SLC24A2: variants seen among roughly 807,000 people sequenced by gnomAD.
SLC24A2 encodes the protein solute carrier family 24 member 2.
In SLC24A2, 36 loss-of-function variants were observed where a neutral mutation model predicts 62.0. That is an observed-to-expected ratio of 0.58 (90% CI 0.44 to 0.77). SLC24A2 has a LOEUF of 0.77. Among genes scored for constraint, SLC24A2 ranks in the 30% least tolerant of loss-of-function variants. The pLI, the probability that SLC24A2 is intolerant of heterozygous loss-of-function variation, is 0.00. For synonymous variants in SLC24A2, 358 were observed against 294.0 expected (o/e 1.22, Z -2.23); for missense variants, 846 against 817.9 (o/e 1.03, Z -0.42).
chr9:20,118,542 T>G, the SLC24A2 span, among the ~76,000 whole-genome samples: 3 of 151,772 alleles, frequency 2.0e-5, no homozygotes, highest in South Asian at 2.1e-4. Flanking sequence ...TGTTCTTAAG[T>G]TTTTTTTTAT....
At chr9:19,866,323 A>G in the SLC24A2 span, among the ~76,000 whole-genome samples, 1 of 152,252 alleles carries the variant, frequency 6.6e-6, no homozygotes, top group Non-Finnish European at 1.5e-5. Context: ...TAGAACTAGC[A>G]TAAAATCCAG....
chr9:19,658,300 C>T (rs572303486), intron 2 of SLC24A2, among the ~76,000 whole-genome samples: 1 of 152,268 alleles, frequency 6.6e-6, no homozygotes, highest in East Asian at 1.9e-4. Context: ...GGGAAGCTGG[C>T]TCATTTGAAG....
At chr9:20,038,759 T>C in the SLC24A2 span, among the ~76,000 whole-genome samples, 1 of 152,216 alleles carries the variant, frequency 6.6e-6, no homozygotes, top group Admixed American at 6.5e-5. Flanking sequence ...TTGTTACAGA[T>C]TGTTAGATTA....
intron 4 of SLC24A2, among the ~76,000 whole-genome samples, chr9:19,607,048 A>ATCCTG (rs3086302): frequency 2.0e-5 from 3 of 151,496 alleles, no homozygotes; most frequent in African/African-American, 4.9e-5. Flanking sequence ...ATTCAACCTC[A>ATCCTG]TGAAGTGAGG....
chr9:19,993,916 C>T, the SLC24A2 span, among the ~76,000 whole-genome samples: 1 of 152,144 alleles, frequency 6.6e-6, no homozygotes, highest in Non-Finnish European at 1.5e-5. Flanking sequence ...GAAGGAGAAA[C>T]ACCCAGTTAT....
chr9:19,775,890 C>G (rs561860493), intron 2 of SLC24A2, among the ~76,000 whole-genome samples: 169 of 152,216 alleles, frequency 1.1e-3, no homozygotes, highest in African/African-American at 3.9e-3. Context: ...CAGGGCAGCC[C>G]TGCTGAAAGA....
rs552550662 is a variant in SLC24A2 at position 19,736,689 on chromosome 9, A to G, written c.930+49248T>C. Among the ~76,000 whole-genome samples, 3 of 152,230 alleles carry G rather than the reference A, an allele frequency of 2.0e-5. No individual in the cohort carries two copies. In the East Asian group the frequency reaches 5.8e-4, roughly 29 times the overall value. On this transcript the variant is annotated intron_variant, in intron 2 of 10. Transcript: ENST00000341998. ...CCCTCGTCTCTAAAAATAAAAGTAA[A>G]AATAAAAATAAAACTAGCCAAGTGT...
At chr9:19,896,677 T>C in the SLC24A2 span, among the ~76,000 whole-genome samples, 3 of 152,088 alleles carry the variant, frequency 2.0e-5, no homozygotes, top group Non-Finnish European at 2.9e-5. Context: ...TTGAACCAGG[T>C]CAGTCTGACT....
chr9:19,847,626 C>T, the SLC24A2 span, among the ~76,000 whole-genome samples: 93 of 152,192 alleles, frequency 6.1e-4, no homozygotes, highest in Non-Finnish European at 1.1e-3. Flanking sequence ...ATCTCCACAC[C>T]GGAGAGAAGA....
chr9:20,000,480 C>G, the SLC24A2 span, among the ~76,000 whole-genome samples: 1 of 152,024 alleles, frequency 6.6e-6, no homozygotes, highest in African/African-American at 2.4e-5. Context: ...GGTATAAACT[C>G]TATCTTCAAA....
chr9:19,774,614 C>T (rs758189984), intron 2 of SLC24A2, among the ~76,000 whole-genome samples: 4 of 152,158 alleles, frequency 2.6e-5, no homozygotes, highest in Non-Finnish European at 5.9e-5. Flanking sequence ...GTGGGAAAAA[C>T]GGTGCTTCAG....
chr9:19,676,197 C>T (rs1344878428), intron 2 of SLC24A2, among the ~76,000 whole-genome samples: 1 of 152,212 alleles, frequency 6.6e-6, no homozygotes, highest in Non-Finnish European at 1.5e-5. Context: ...TTCACACTTT[C>T]ACACTTCAGG....
the SLC24A2 span, among the ~76,000 whole-genome samples, chr9:20,034,451 G>GA: frequency 2.4e-5 from 2 of 83,190 alleles, no homozygotes; most frequent in South Asian, 1.2e-3. Context: ...GGCCTTTTAA[G>GA]TTTTTTTTTT....
chr9:20,198,807 C>T, the SLC24A2 span, among the ~76,000 whole-genome samples: 1 of 152,224 alleles, frequency 6.6e-6, no homozygotes, highest in East Asian at 1.9e-4. Context: ...TGCTAAACTT[C>T]CAACTGGCTC....
the SLC24A2 span, among the ~76,000 whole-genome samples, chr9:19,807,667 C>T: frequency 6.6e-6 from 1 of 152,202 alleles, no homozygotes; most frequent in Admixed American, 6.5e-5. Flanking sequence ...TCATTTCAAA[C>T]TGCAGACAGT....
At chr9:19,647,803 T>C (rs572266003) in intron 2 of SLC24A2, among the ~76,000 whole-genome samples, 1 of 152,318 alleles carries the variant, frequency 6.6e-6, no homozygotes, top group African/African-American at 2.4e-5. Flanking sequence ...TATTAGTAGA[T>C]GAAAAAATAC....
the SLC24A2 span, among the ~76,000 whole-genome samples, chr9:20,048,997 A>G: frequency 6.6e-6 from 1 of 151,998 alleles, no homozygotes; most frequent in African/African-American, 2.4e-5. Flanking sequence ...TTTGTTACAT[A>G]TGTATACATG....
the SLC24A2 span, among the ~76,000 whole-genome samples, chr9:19,962,249 C>T: frequency 6.6e-6 from 1 of 152,148 alleles, no homozygotes; most frequent in Non-Finnish European, 1.5e-5. Flanking sequence ...CAGTACCATG[C>T]TGTTTTGGTT....
At chr9:19,918,512 C>A in the SLC24A2 span, among the ~76,000 whole-genome samples, 16 of 152,108 alleles carry the variant, frequency 1.1e-4, no homozygotes, top group Admixed American at 2.6e-4. Context: ...CCTCCACTCT[C>A]CTTTCCACAT....
Sources: gnomAD v4.1 joint callset for allele counts (sites outside exome capture counted in the v4.1 genomes callset) on GRCh38, gnomAD v4.1.1 for gene constraint, MANE v1.5 for transcripts, NCBI Gene and HGNC (gene_info 2026-07-23, HGNC 2026-07-21) for gene names.